The following EYS variants were observed in gnomAD, a reference collection of about 807,000 sequenced individuals.
The protein encoded by EYS is protein eyes shut homolog.
In EYS, 250 loss-of-function variants were observed where a neutral mutation model predicts 282.1. The observed-to-expected ratio is 0.89, with a 90% CI of 0.80 to 0.98. The LOEUF (loss-of-function observed/expected upper bound fraction) is 0.98. EYS is among the 50% of genes least tolerant of loss of function. The pLI is 0.00. For synonymous variants in EYS, 1,355 were observed against 1,282.9 expected, an observed-to-expected ratio of 1.06 and a Z score of -1.20; for missense variants, 4,016 against 3,709.0, an observed-to-expected ratio of 1.08 and a Z score of -2.15.
intron 11 of EYS, among the ~76,000 whole-genome samples, chr6:65,298,642 A>T (rs2150288114): frequency 6.6e-6 from 1 of 151,942 alleles, no homozygotes; most frequent in African/African-American, 2.4e-5. Context: ...TATTTTTGAC[A>T]CAACTTAGGC....
intron 5 of EYS, among the ~76,000 whole-genome samples, chr6:65,407,827 T>C (rs935413016): frequency 6.6e-6 from 1 of 151,706 alleles, no homozygotes; most frequent in African/African-American, 2.4e-5. Context: ...GTTCCAGTGT[T>C]AAATAGAAAT....
chr6:65,664,889 T>A (rs1357077626), intron 1 of EYS, among the ~76,000 whole-genome samples: 1 of 152,164 alleles, frequency 6.6e-6, no homozygotes, highest in Non-Finnish European at 1.5e-5. Flanking sequence ...TTTTTTCTTT[T>A]CAGTTTTCAA....
At chr6:64,129,380 A>T (rs1773890301) in intron 31 of EYS, among the ~76,000 whole-genome samples, 1 of 152,158 alleles carries the variant, frequency 6.6e-6, no homozygotes, top group Non-Finnish European at 1.5e-5. Context: ...GCCAGTGATG[A>T]TGAACATTTT....
At chr6:64,766,771 A>G (rs1773365939) in intron 22 of EYS, among the ~76,000 whole-genome samples, 1 of 147,030 alleles carries the variant, frequency 6.8e-6, no homozygotes, top group African/African-American at 2.5e-5. Context: ...AAATGTATTC[A>G]TTATTTTCTA....
chr6:63,803,483 TA>T (rs1339456198), intron 37 of EYS, among the ~76,000 whole-genome samples: 1 of 152,160 alleles, frequency 6.6e-6, no homozygotes, highest in Non-Finnish European at 1.5e-5. Context: ...CCAAAGCCTG[TA>T]ACAAAGGCTC....
At chr6:65,154,802 A>G (rs1236936914) in intron 12 of EYS, among the ~76,000 whole-genome samples, 1 of 151,628 alleles carries the variant, frequency 6.6e-6, no homozygotes, top group Non-Finnish European at 1.5e-5. Flanking sequence ...AGGATATGTA[A>G]TTATACTGAT....
intron 33 of EYS, among the ~76,000 whole-genome samples, chr6:64,063,397 T>C (rs539276526): frequency 1.4e-4 from 21 of 152,308 alleles, no homozygotes; most frequent in African/African-American, 5.1e-4. Context: ...TGCTATCCAA[T>C]TGCACATAAG....
At chr6:65,558,112 G>T (rs1040886801) in intron 2 of EYS, among the ~76,000 whole-genome samples, 6 of 152,126 alleles carry the variant, frequency 3.9e-5, no homozygotes, top group African/African-American at 1.4e-4. Context: ...GGGTTTCACT[G>T]GGGACCTTCT....
At chr6:64,351,622 T>C (rs1024254874) in intron 29 of EYS, among the ~76,000 whole-genome samples, 3 of 151,508 alleles carry the variant, frequency 2.0e-5, no homozygotes, top group Non-Finnish European at 3.0e-5. Context: ...AAAGTATTTA[T>C]ATACAAAGAC....
chr6:65,421,058 C>A (rs983869529), intron 5 of EYS, among the ~76,000 whole-genome samples: 1 of 151,856 alleles, frequency 6.6e-6, no homozygotes, highest in African/African-American at 2.4e-5. Flanking sequence ...TTGGCTTCAA[C>A]TAAAATTCAC....
chr6:65,653,685 T>A (rs1476228895), intron 1 of EYS, among the ~76,000 whole-genome samples: 1 of 151,970 alleles, frequency 6.6e-6, no homozygotes, highest in African/African-American at 2.4e-5. Context: ...AGGATCTGTT[T>A]ATATTCAGCA....
chr6:65,081,182 T>A (rs117078726), intron 12 of EYS, among the ~76,000 whole-genome samples: 5 of 152,098 alleles, frequency 3.3e-5, no homozygotes, highest in Non-Finnish European at 5.9e-5. Context: ...GAAAATAATA[T>A]ATGTGATCAT....
chr6:65,423,613 C>A (rs968940946), intron 5 of EYS, among the ~76,000 whole-genome samples: 1 of 151,840 alleles, frequency 6.6e-6, no homozygotes, highest in Admixed American at 6.6e-5. Flanking sequence ...ACATTATAAA[C>A]CTCTGGCTTT....
chr6:64,785,198 T>A (rs1237198981), intron 22 of EYS, among the ~76,000 whole-genome samples: 1 of 152,238 alleles, frequency 6.6e-6, no homozygotes, highest in East Asian at 1.9e-4. Flanking sequence ...AGCTAAAATA[T>A]ACAATCTATC....
intron 14 of EYS, among the ~76,000 whole-genome samples, chr6:64,953,570 A>G (rs1769586776): frequency 6.6e-6 from 1 of 151,884 alleles, no homozygotes; most frequent in Admixed American, 6.6e-5. Flanking sequence ...TAAAAACACT[A>G]ATCTTTATTT....
chr6:63,727,753 T>TATATATATATATATA (rs1554164611), intron 41 of EYS, among the ~76,000 whole-genome samples: 4 of 104,514 alleles, frequency 3.8e-5, no homozygotes, highest in Non-Finnish European at 7.0e-5. Context: ...TATATATATG[T>TATATATATATATATA]TAGCTGGGCA....
chr6:64,582,487 T>C (rs1766102552), intron 26 of EYS, among the ~76,000 whole-genome samples: 1 of 152,052 alleles, frequency 6.6e-6, no homozygotes, highest in Non-Finnish European at 1.5e-5. Context: ...TGTACATGAA[T>C]TGGTATAGTT....
chr6:65,268,473 A>G (rs1335929027), intron 12 of EYS, among the ~76,000 whole-genome samples: 1 of 152,082 alleles, frequency 6.6e-6, no homozygotes, highest in East Asian at 1.9e-4. Context: ...CCTACTCCAT[A>G]AAATATATTT....
chr6:64,288,846 C>G (rs1301555145), intron 30 of EYS, among the ~76,000 whole-genome samples: 1 of 152,082 alleles, frequency 6.6e-6, no homozygotes, highest in Non-Finnish European at 1.5e-5. Context: ...CTGCTAGAAA[C>G]ATAGTCGCTA....
Sources: allele counts gnomAD v4.1 joint callset (sites outside exome capture counted in the v4.1 genomes callset), GRCh38; gene constraint gnomAD v4.1.1; transcripts MANE v1.5; gene names NCBI Gene and HGNC (gene_info 2026-07-23, HGNC 2026-07-21).